The following SNX29 variants were observed in gnomAD, a reference collection of about 807,000 sequenced individuals.
SNX29 encodes sorting nexin 29, also known as sorting nexin-29.
SNX29 carries 78 observed loss-of-function variants against 102.1 expected under a neutral mutation model. The observed-to-expected ratio is 0.76, with a 90% CI of 0.64 to 0.92. SNX29 has a LOEUF of 0.92. Among genes scored for constraint, SNX29 ranks in the 40% least tolerant of loss-of-function variants. SNX29 has a pLI of 0.00. For missense variants in SNX29, 1,280 were observed against 1,061.7 expected (o/e 1.21, Z -2.86); for synonymous variants, 580 against 414.5 (o/e 1.40, Z -4.85).
At chr16:12,049,009 G>A (rs955668075) in intron 7 of SNX29, among the ~76,000 whole-genome samples, 1 of 152,186 alleles carries the variant, frequency 6.6e-6, no homozygotes, top group Non-Finnish European at 1.5e-5. Context: ...CTTTGGGATG[G>A]GTGTGGGTGG....
At chr16:12,499,592 A>G (rs1291575512) in intron 19 of SNX29, among the ~76,000 whole-genome samples, 1 of 152,208 alleles carries the variant, frequency 6.6e-6, no homozygotes, top group Non-Finnish European at 1.5e-5. Context: ...ACTGGGGGTT[A>G]AGCATATTCA....
intron 15 of SNX29, among the ~76,000 whole-genome samples, chr16:12,283,746 G>C (rs191418457): frequency 6.6e-6 from 1 of 152,340 alleles, no homozygotes; most frequent in East Asian, 1.9e-4. Flanking sequence ...GCATTCTTGT[G>C]GGTGAGGCAG....
intron 1 of SNX29, among the ~76,000 whole-genome samples, chr16:11,986,707 C>A (rs149223347): frequency 6.6e-6 from 1 of 152,244 alleles, no homozygotes; most frequent in African/African-American, 2.4e-5. Flanking sequence ...TTATGGTGTT[C>A]TAGGATAGGA....
At chr16:12,048,151 GTT>G (rs565050765) in intron 6 of SNX29, among the ~76,000 whole-genome samples, 2 of 139,428 alleles carry the variant, frequency 1.4e-5, no homozygotes, top group Admixed American at 7.2e-5. Context: ...TTCATGGGAG[GTT>G]TTTTTTTTTT....
Position 11,976,797 on chromosome 16 carries a change from G to A in SNX29, c.-10G>A. The A allele has an allele frequency of 7.3e-7, 1 of 1,379,102 alleles. No individual in the cohort carries two copies. The highest frequency in any genetic ancestry group is 9.4e-7 in the Non-Finnish European group (1 of 1,065,448). 85.4% of individuals were successfully genotyped at this position (1,379,102 alleles called of 1,614,324 possible). A position where few individuals can be genotyped will look rare whatever the true frequency, so the allele number is the denominator to read the frequency against. On this transcript the variant is annotated 5_prime_UTR_variant, in exon 1 of 21. Coordinates refer to ENST00000566228, the MANE Select transcript of SNX29 (RefSeq NM_032167.5). ...GGCGCGGCGCAGGCACCGGCCCGGG[G>A]AGAGGCACCATGAGCGGTGAGTGGC...
intron 13 of SNX29, among the ~76,000 whole-genome samples, chr16:12,171,185 C>A (rs1323232734): frequency 1.3e-5 from 2 of 152,110 alleles, no homozygotes; most frequent in East Asian, 3.9e-4. Flanking sequence ...TCCTACTGAC[C>A]TGTATTATTC....
At chr16:12,443,623 G>C (rs1336056587) in intron 18 of SNX29, among the ~76,000 whole-genome samples, 1 of 152,166 alleles carries the variant, frequency 6.6e-6, no homozygotes, top group Non-Finnish European at 1.5e-5. Context: ...GCTAACTTTT[G>C]TGTTTTCATT....
chr16:12,274,174 C>A (rs2079174774), intron 14 of SNX29, among the ~76,000 whole-genome samples: 1 of 152,204 alleles, frequency 6.6e-6, no homozygotes, highest in African/African-American at 2.4e-5. Context: ...TCTCACGTGG[C>A]TTGCCTGGGT....
chr16:12,399,494 C>T (rs1032573998), intron 17 of SNX29, among the ~76,000 whole-genome samples: 13 of 152,200 alleles, frequency 8.5e-5, no homozygotes, highest in African/African-American at 3.1e-4. Context: ...CGGGAAAAGT[C>T]CCTTTTAGAG....
At chr16:12,553,320 C>T (rs1171871222) in intron 20 of SNX29, among the ~76,000 whole-genome samples, 2 of 152,210 alleles carry the variant, frequency 1.3e-5, no homozygotes, top group African/African-American at 4.8e-5. Flanking sequence ...CTGGGAAACG[C>T]CCTAACAAGG....
intron 15 of SNX29, among the ~76,000 whole-genome samples, chr16:12,330,005 A>G (rs1158413416): frequency 6.6e-6 from 1 of 152,242 alleles, no homozygotes; most frequent in African/African-American, 2.4e-5. Context: ...CCTGATGGGC[A>G]CACTCCTCAA....
chr16:12,350,778 C>T (rs186859044), intron 15 of SNX29, among the ~76,000 whole-genome samples: 11 of 152,286 alleles, frequency 7.2e-5, no homozygotes, highest in South Asian at 4.1e-4. Context: ...TTACAGTCAC[C>T]GTGGGCTTTA....
intron 18 of SNX29, among the ~76,000 whole-genome samples, chr16:12,467,383 A>T (rs768023338): frequency 6.6e-6 from 1 of 152,180 alleles, no homozygotes; most frequent in African/African-American, 2.4e-5. Context: ...TCCTTTTCCA[A>T]ATCCATAAGA....
intron 14 of SNX29, among the ~76,000 whole-genome samples, chr16:12,242,284 T>TTTTA (rs530410984): frequency 0.014 from 2,091 of 150,628 alleles, 18 homozygotes; most frequent in Non-Finnish European, 0.02. Context: ...AGTGCCCTGA[T>TTTTA]TTTATTTATT....
At chr16:12,375,768 C>G (rs538972582) in intron 16 of SNX29, 1 of 152,348 alleles carries the variant, frequency 6.6e-6, no homozygotes, top group Non-Finnish European at 1.5e-5. Context: ...AGCAGTGGCT[C>G]ACGCCTGTAA....
chr16:12,565,564 C>G (rs915251777), intron 20 of SNX29, among the ~76,000 whole-genome samples: 1 of 152,076 alleles, frequency 6.6e-6, no homozygotes, highest in African/African-American at 2.4e-5. Context: ...GTCACAGAAG[C>G]CTACTGTCAC....
chr16:12,269,103 C>T (rs1039308002), intron 14 of SNX29, among the ~76,000 whole-genome samples: 11 of 152,344 alleles, frequency 7.2e-5, no homozygotes, highest in African/African-American at 2.6e-4. Flanking sequence ...CACAGTCTCC[C>T]TGTCTATTTG....
At chr16:12,217,998 C>T (rs868496997) in intron 14 of SNX29, among the ~76,000 whole-genome samples, 15 of 152,136 alleles carry the variant, frequency 9.9e-5, no homozygotes, top group Admixed American at 8.5e-4. Flanking sequence ...TCACTTTTCC[C>T]ACCTTTTGGG....
chr16:12,120,812 T>C (rs1033907859), intron 11 of SNX29, among the ~76,000 whole-genome samples: 1 of 152,172 alleles, frequency 6.6e-6, no homozygotes, highest in Non-Finnish European at 1.5e-5. Flanking sequence ...ATGGTAATGA[T>C]GTATGGGACC....
Sources: allele counts gnomAD v4.1 joint callset (sites outside exome capture counted in the v4.1 genomes callset), GRCh38; gene constraint gnomAD v4.1.1; transcripts MANE v1.5; gene names NCBI Gene and HGNC (gene_info 2026-07-23, HGNC 2026-07-21).